PLA1A: variants seen among roughly 807,000 people sequenced by gnomAD.
The protein encoded by PLA1A is phosphatidylserine-specific phospholipase A1alpha.
In PLA1A, 47 loss-of-function variants were observed where a neutral mutation model predicts 49.4. The observed-to-expected ratio is 0.95, with a 90% confidence interval of 0.75 to 1.21. PLA1A has a LOEUF of 1.21. Ranked by LOEUF, PLA1A falls within the 50% of genes most tolerant of loss-of-function variation. The pLI, the probability that PLA1A is intolerant of heterozygous loss-of-function variation, is 0.00. For synonymous variants in PLA1A, 224 were observed against 207.9 expected, an observed-to-expected ratio of 1.08 and a Z score of -0.67; for missense variants, 561 against 563.9, an observed-to-expected ratio of 0.99 and a Z score of 0.05.
intron 9 of PLA1A, among the ~76,000 whole-genome samples, chr3:119,627,934 A>G (rs1009660892): frequency 1.3e-5 from 2 of 152,176 alleles, no homozygotes; most frequent in Non-Finnish European, 2.9e-5. Flanking sequence ...TGCTAGGTTG[A>G]TCACTTCATA....
intron 5 of PLA1A, among the ~76,000 whole-genome samples, chr3:119,613,928 T>G (rs2082807117): frequency 6.6e-6 from 1 of 151,848 alleles, no homozygotes; most frequent in African/African-American, 2.4e-5. Context: ...TTTCCAATAG[T>G]GACAGGCACA....
Position 119,600,250 on chromosome 3 carries a change from A to G in PLA1A, c.73+2264A>G, listed in dbSNP as rs572140962. Reference sequence around the variant, plus strand: ...CTCACTTTCCTGGCTGTGTACCCACACAATCTTTCATGACAACCCCAGTCA... The same window carrying G: ...CTCACTTTCCTGGCTGTGTACCCACGCAATCTTTCATGACAACCCCAGTCA... On this transcript the variant is annotated intron_variant, in intron 1 of 10. Transcript: ENST00000273371. 269 of 619,870 alleles carry G rather than the reference A, an allele frequency of 4.3e-4. 1 individual carries two copies. The highest frequency in any genetic ancestry group is 4.3e-3 in the African/African-American group (233 of 54,682). The allele number at this position is 619,870 out of a possible 1,614,324, so 38.4% of individuals were successfully genotyped here. A position where few individuals can be genotyped will look rare whatever the true frequency, so the allele number is the denominator to read the frequency against.
rs2082562961 is a variant in PLA1A, at chr3:119,597,926, C to G, written c.13C>G (p.Pro5Ala). The G allele has an allele frequency of 1.9e-6, 3 of 1,607,814 alleles. No individual in the cohort carries two copies. The highest frequency in any genetic ancestry group is 1.3e-5 in the African/African-American group (1 of 74,742). Residue 5 changes from proline (P) to alanine (A), a missense_variant, in exon 1 of 11, where the codon CCC becomes GCC. Pro to Ala is a conservative substitution (Grantham distance 27). Coordinates refer to ENST00000273371, the MANE Select transcript of PLA1A (RefSeq NM_015900.4). MPPG[P>A]WESCFWVGGL... Reference sequence around the variant, plus strand: ...TTCCAGCTCAGCGATGCCCCCAGGTCCCTGGGAGAGCTGCTTCTGGGTGGG... The same window carrying G: ...TTCCAGCTCAGCGATGCCCCCAGGTGCCTGGGAGAGCTGCTTCTGGGTGGG...
rs193282416 is a variant in PLA1A, at chr3:119,616,095, T to C, written c.748T>C (p.Tyr250His). Reference protein sequence around the residue: ...QDQPGCPTFFYAGYSYLICDH... With the variant: ...QDQPGCPTFFHAGYSYLICDH... The stretch of plus-strand genomic sequence containing the variant: ...CCAACCTGGCTGCCCCACCTTCTTT[T>C]ACGCAGGTCAGAAAGCCAGTACAAT... Residue 250 changes from tyrosine to histidine, a missense_variant, in exon 6 of 11, where the codon TAC becomes CAC. Physicochemically the swap from Tyr to His is moderately conservative, Grantham distance 83. Transcript: ENST00000273371. 1.2e-6 allele frequency: 2 copies of C among 1,606,364 alleles called. No homozygotes were observed. Among genetic ancestry groups the C allele is most frequent in the South Asian group, 1.1e-5 (1 of 90,888 alleles).
chr3:119,600,202 G>T (rs1382355648), intron 1 of PLA1A: 1 of 576,140 alleles, frequency 1.7e-6, no homozygotes, highest in Non-Finnish European at 3.1e-6. Context: ...ACCCACATGG[G>T]CCTCTTGGAA....
chr3:119,617,319 A>G (rs750167215), intron 6 of PLA1A, among the ~76,000 whole-genome samples: 2 of 152,148 alleles, frequency 1.3e-5, no homozygotes, highest in Non-Finnish European at 2.9e-5. Context: ...ATGAGGTTGT[A>G]AAAAATTGGT....
chr3:119,623,626 G>C (rs1011357593), intron 8 of PLA1A, among the ~76,000 whole-genome samples: 1 of 152,002 alleles, frequency 6.6e-6, no homozygotes, highest in African/African-American at 2.4e-5. Context: ...GAGAGGAGCA[G>C]TCTCCTACAC....
chr3:119,610,876 A>C (rs1192850330), intron 4 of PLA1A, among the ~76,000 whole-genome samples: 1 of 152,172 alleles, frequency 6.6e-6, no homozygotes, highest in Non-Finnish European at 1.5e-5. Context: ...TTGGTCATAA[A>C]TGCTTTGCCT....
chr3:119,606,943 T>G lies in PLA1A; in HGVS notation c.243T>G (p.Thr81=), dbSNP rs2082697805. The G allele has an allele frequency of 6.2e-7, 1 of 1,614,076 alleles. No homozygotes were observed. The highest frequency in any genetic ancestry group is 8.5e-7 in the Non-Finnish European group (1 of 1,179,928). ...TCCAAAACTCTGGGTTCAATGCCAC[T>G]CTGGGAACCAAACTAATTATCCATG... The part of the protein sequence containing the change: ...SDLQNSGFNA[T]LGTKLIIHGF... The change falls in exon 2 of 11, where the codon ACT becomes ACG. Residue 81 remains threonine (T), a synonymous_variant. Transcript: ENST00000273371.
At chr3:119,622,720 G>C (rs2082961134) in intron 8 of PLA1A, among the ~76,000 whole-genome samples, 1 of 152,088 alleles carries the variant, frequency 6.6e-6, no homozygotes, top group Non-Finnish European at 1.5e-5. Context: ...AAGGAGCCTG[G>C]GAAAATTCCG....
At chr3:119,619,720 G>C in intron 8 of PLA1A, 68 bp downstream of exon 8, 1 of 1,068,358 alleles carries the variant, frequency 9.4e-7, no homozygotes, top group Non-Finnish European at 1.5e-6. Context: ...GCCCAGTGTG[G>C]TAGCCTGGGT....
At chr3:119,627,288 G>A (rs504978) in intron 9 of PLA1A, among the ~76,000 whole-genome samples, 12,976 of 152,158 alleles carry the variant, frequency 0.085, 1,866 homozygotes, top group African/African-American at 0.29. Flanking sequence ...AGCTTTATGC[G>A]ACGCTAAGAT....
At chr3:119,601,658 T>A (rs2082620044) in intron 1 of PLA1A, among the ~76,000 whole-genome samples, 1 of 152,240 alleles carries the variant, frequency 6.6e-6, no homozygotes, top group African/African-American at 2.4e-5. Flanking sequence ...TTCTCTCCCT[T>A]TTCAAACTTT....
At position 119,619,657 on chromosome 3, in the gene PLA1A, G is replaced by A. The variant is rs1214477526; in HGVS notation, c.1012+5G>A. 4 of 1,586,904 alleles carry A rather than the reference G, an allele frequency of 2.5e-6. No individual in the cohort carries two copies. Among genetic ancestry groups the A allele is most frequent in the African/African-American group, 1.3e-5 (1 of 74,510 alleles). ...CTTCCAGTGCTCCGTACTGCAGTGA[G>A]TAGGGGGAAATGCATGAGCTCAGCT... is the stretch of plus-strand genomic sequence containing the variant. On this transcript the variant is annotated splice_donor_5th_base_variant and intron_variant, in intron 8 of 10. Coordinates refer to ENST00000273371, the MANE Select transcript of PLA1A (RefSeq NM_015900.4).
intron 3 of PLA1A, 37 bp downstream of exon 3, chr3:119,608,984 G>T (rs369466528): frequency 6.4e-7 from 1 of 1,552,276 alleles, no homozygotes; most frequent in African/African-American, 1.4e-5. Flanking sequence ...TTTGGGCTGC[G>T]TATGAGGAGA....
chr3:119,622,103 AAGAAGG>A lies in PLA1A; in HGVS notation c.1012+2469_1012+2474del, dbSNP rs1553794014. ...TTTCTGAAGAAAGAAGAAGAAGAAGAAGAAGGAGAAGGAGAAGGAGAAGAAGAGGAA... is the reference window on the plus strand; with the variant it reads ...TTTCTGAAGAAAGAAGAAGAAGAAGAAGAAGGAGAAGGAGAAGAAGAGGAA... On this transcript the variant is annotated intron_variant, in intron 8 of 10. Transcript: ENST00000273371. Among the ~76,000 whole-genome samples, 580 of 147,358 alleles carry A rather than the reference AAGAAGG, an allele frequency of 3.9e-3. 4 individuals are homozygous for A. The highest frequency in any genetic ancestry group is 6.7e-3 in the Non-Finnish European group (446 of 66,968).
intron 8 of PLA1A, among the ~76,000 whole-genome samples, chr3:119,622,418 GAGA>G (rs1189377667): frequency 2.0e-5 from 3 of 152,192 alleles, no homozygotes; most frequent in Non-Finnish European, 2.9e-5. Context: ...AGTAACATCT[GAGA>G]AGGAGAGACA....
chr3:119,626,487 G>T (rs2052540913), intron 9 of PLA1A, among the ~76,000 whole-genome samples: 1 of 152,192 alleles, frequency 6.6e-6, no homozygotes. Context: ...TGACACCTCT[G>T]GTGTGTCTGG....
At chr3:119,600,530 G>A in intron 1 of PLA1A, 1 of 633,392 alleles carries the variant, frequency 1.6e-6, no homozygotes, top group East Asian at 2.7e-5. Flanking sequence ...CCAAAGGGCA[G>A]TTATGGCTGG....
Sources: gnomAD v4.1 joint callset for allele counts (sites outside exome capture counted in the v4.1 genomes callset) on GRCh38, gnomAD v4.1.1 for gene constraint, MANE v1.5 for transcripts, NCBI Gene and HGNC (gene_info 2026-07-23, HGNC 2026-07-21) for gene names.